FBXL17: variants seen among roughly 807,000 people sequenced by gnomAD.
The protein encoded by FBXL17 is F-box/LRR-repeat protein 17.
In FBXL17, 22 loss-of-function variants were observed where a neutral mutation model predicts 66.2. The ratio of observed to expected loss-of-function variants is 0.33; its 90% confidence interval spans 0.24 to 0.47. The LOEUF is 0.47. Among genes scored for constraint, FBXL17 ranks in the 20% least tolerant of loss-of-function variants. The pLI is 1.00. For missense variants in FBXL17, 878 were observed against 948.2 expected, an observed-to-expected ratio of 0.93 and a Z score of 0.97; for synonymous variants, 474 against 400.5, an observed-to-expected ratio of 1.18 and a Z score of -2.19.
At chr5:107,982,233 T>C (rs760074200) in intron 7 of FBXL17, among the ~76,000 whole-genome samples, 2 of 152,160 alleles carry the variant, frequency 1.3e-5, no homozygotes, top group Non-Finnish European at 2.9e-5. Context: ...ACTTGTAAAC[T>C]GAAAGCTTAA....
chr5:107,931,443 T>C (rs989238742), intron 7 of FBXL17, among the ~76,000 whole-genome samples: 1 of 151,878 alleles, frequency 6.6e-6, no homozygotes, highest in African/African-American at 2.4e-5. Context: ...TGTATTTTTA[T>C]AGAGACGGAG....
In FBXL17 at chr5:108,294,865, T is replaced by C. The variant is rs568399630; in HGVS notation, c.1506+53534A>G. Among the ~76,000 whole-genome samples the C allele has an allele frequency of 5.9e-5, 9 of 152,180 alleles. No homozygotes were observed. In the South Asian group the frequency reaches 1.9e-3, roughly 32 times the overall value. ...AGAATGACTTACTTCATATCCACAG[T>C]TGTTCTTTAAAGCCATCTACTAATG... On this transcript the variant is annotated intron_variant, in intron 4 of 8. Transcript: ENST00000542267.
chr5:108,358,641 T>A (rs1748148123), intron 3 of FBXL17, among the ~76,000 whole-genome samples: 1 of 152,128 alleles, frequency 6.6e-6, no homozygotes, highest in African/African-American at 2.4e-5. Flanking sequence ...GTAGCTGTTG[T>A]TTGTTTTGTA....
chr5:108,324,801 T>C (rs187881297), intron 4 of FBXL17, among the ~76,000 whole-genome samples: 8 of 152,122 alleles, frequency 5.3e-5, no homozygotes, highest in African/African-American at 1.7e-4. Flanking sequence ...ACTCAGCCTA[T>C]AGAAGGAGGA....
intron 3 of FBXL17, among the ~76,000 whole-genome samples, chr5:108,358,891 T>C (rs1371098712): frequency 6.6e-6 from 1 of 152,088 alleles, no homozygotes; most frequent in Non-Finnish European, 1.5e-5. Context: ...TCTACCTTTT[T>C]CTTTTTTTGT....
chr5:108,361,368 T>G (rs1748325281), intron 3 of FBXL17, among the ~76,000 whole-genome samples: 1 of 152,130 alleles, frequency 6.6e-6, no homozygotes, highest in Non-Finnish European at 1.5e-5. Context: ...TATTCAAGTC[T>G]TTGCAGACTG....
chr5:108,350,548 A>T (rs977948302), intron 3 of FBXL17, among the ~76,000 whole-genome samples: 2 of 152,184 alleles, frequency 1.3e-5, no homozygotes, highest in Non-Finnish European at 2.9e-5. Context: ...TGGCAATGCA[A>T]ATCATCAAAA....
intron 6 of FBXL17, among the ~76,000 whole-genome samples, chr5:108,145,732 C>G (rs1232781953): frequency 1.3e-4 from 19 of 151,860 alleles, no homozygotes. Flanking sequence ...CTTTAAGTGG[C>G]TAGGTCAGTT....
intron 7 of FBXL17, among the ~76,000 whole-genome samples, chr5:107,921,098 AAATT>A (rs1159878152): frequency 6.6e-6 from 1 of 152,246 alleles, no homozygotes; most frequent in Non-Finnish European, 1.5e-5. Context: ...TGACTATAAT[AAATT>A]GAGTAAAAAA....
Position 108,255,041 on chromosome 5 carries a change from TTAAG to T in FBXL17, c.1507-30817_1507-30814del, listed in dbSNP as rs1178209418. ...TCATACAACTTGATGGAAAAGAGCA[TTAAG>T]TAAGTATTATCTCCATCAAAGAAAT... is the stretch of plus-strand genomic sequence containing the variant. On this transcript the variant is annotated intron_variant, in intron 4 of 8. Coordinates refer to ENST00000542267, the MANE Select transcript of FBXL17 (RefSeq NM_001163315.3). 5.9e-5 allele frequency among the ~76,000 whole-genome samples: 9 copies of T among 152,274 alleles called. No individual in the cohort carries two copies. In the South Asian group the frequency reaches 6.2e-4, roughly 11 times the overall value.
At chr5:108,373,783 T>G (rs1214929035) in intron 1 of FBXL17, among the ~76,000 whole-genome samples, 1 of 152,038 alleles carries the variant, frequency 6.6e-6, no homozygotes, top group Non-Finnish European at 1.5e-5. Context: ...CCAGCCATAG[T>G]GGTATGCACC....
chr5:107,924,201 C>G (rs1287912949), intron 7 of FBXL17, among the ~76,000 whole-genome samples: 1 of 151,090 alleles, frequency 6.6e-6, no homozygotes, highest in Non-Finnish European at 1.5e-5. Flanking sequence ...GACTTGTCTT[C>G]TGAGAGCGTT....
chr5:108,228,778 G>C (rs1325022806), intron 4 of FBXL17, among the ~76,000 whole-genome samples: 1 of 152,060 alleles, frequency 6.6e-6, no homozygotes, highest in Non-Finnish European at 1.5e-5. Context: ...CATAATTTGG[G>C]GGTTTTCAGT....
At chr5:108,326,979 T>G (rs1759886867) in intron 4 of FBXL17, among the ~76,000 whole-genome samples, 1 of 152,182 alleles carries the variant, frequency 6.6e-6, no homozygotes, top group Admixed American at 6.5e-5. Context: ...TAAAATTTAT[T>G]CAAGAGAAAT....
intron 8 of FBXL17, among the ~76,000 whole-genome samples, chr5:107,874,952 C>A (rs1054678422): frequency 1.3e-5 from 2 of 152,286 alleles, no homozygotes; most frequent in East Asian, 3.9e-4. Context: ...CCCAGCTGCA[C>A]TCTCACCATT....
chr5:108,181,840 T>C (rs1400061758), intron 6 of FBXL17, among the ~76,000 whole-genome samples: 1 of 152,174 alleles, frequency 6.6e-6, no homozygotes, highest in Non-Finnish European at 1.5e-5. Context: ...ATCCCAGCTA[T>C]GACGCGGAAA....
chr5:107,877,005 C>G (rs1034989529), intron 8 of FBXL17, among the ~76,000 whole-genome samples: 5 of 152,124 alleles, frequency 3.3e-5, no homozygotes, highest in African/African-American at 1.2e-4. Flanking sequence ...GTCAAGTAAG[C>G]CTTTGAACAG....
At chr5:108,240,689 G>C (rs1370454089) in intron 4 of FBXL17, among the ~76,000 whole-genome samples, 1 of 152,146 alleles carries the variant, frequency 6.6e-6, no homozygotes, top group African/African-American at 2.4e-5. Context: ...ACTGATTGTA[G>C]AGTACTAGGG....
At chr5:107,946,279 A>T (rs1369795760) in intron 7 of FBXL17, among the ~76,000 whole-genome samples, 10 of 76,392 alleles carry the variant, frequency 1.3e-4, no homozygotes, top group African/African-American at 1.7e-4. Flanking sequence ...ATATATATAT[A>T]TATATATATA....
Sources: allele counts gnomAD v4.1 joint callset (sites outside exome capture counted in the v4.1 genomes callset), GRCh38; gene constraint gnomAD v4.1.1; transcripts MANE v1.5; gene names NCBI Gene and HGNC (gene_info 2026-07-23, HGNC 2026-07-21).